Variants in GULP1 observed in about 807,000 individuals in gnomAD.
GULP1 encodes the protein GULP PTB domain containing engulfment adaptor 1.
GULP1 carries 19 observed loss-of-function variants against 40.9 expected under a neutral mutation model. The observed-to-expected ratio is 0.46, with a 90% CI of 0.32 to 0.68. The LOEUF (loss-of-function observed/expected upper bound fraction) is 0.68. Among genes scored for constraint, GULP1 ranks in the 30% least tolerant of loss-of-function variants. The pLI, the probability that GULP1 is intolerant of heterozygous loss-of-function variation, is 0.03. For synonymous variants in GULP1, 119 were observed against 117.6 expected (o/e 1.01, Z -0.08); for missense variants, 312 against 362.2 (o/e 0.86, Z 1.12).
intron 4 of GULP1, among the ~76,000 whole-genome samples, chr2:188,488,529 G>C (rs1448059089): frequency 6.6e-6 from 1 of 152,000 alleles, no homozygotes; most frequent in African/African-American, 2.4e-5. Context: ...GTTGACACTA[G>C]TCATTACTAT....
At chr2:188,294,582 A>C (rs993622509) in intron 1 of GULP1, among the ~76,000 whole-genome samples, 5 of 152,198 alleles carry the variant, frequency 3.3e-5, no homozygotes, top group Non-Finnish European at 5.9e-5. Flanking sequence ...TTAGGGGTTA[A>C]ATGGTTAAAA....
At chr2:188,520,225 A>G (rs1575747612) in intron 4 of GULP1, among the ~76,000 whole-genome samples, 2 of 152,140 alleles carry the variant, frequency 1.3e-5, no homozygotes, top group Non-Finnish European at 2.9e-5. Context: ...ACAATTTGGT[A>G]TATTTCAAGC....
chr2:188,457,900 T>C (rs1261701771), intron 2 of GULP1, among the ~76,000 whole-genome samples: 9 of 152,148 alleles, frequency 5.9e-5, no homozygotes, highest in Non-Finnish European at 1.3e-4. Context: ...CATCATAAGG[T>C]CATTATAATT....
At chr2:188,539,969 A>T (rs913078027) in intron 6 of GULP1, among the ~76,000 whole-genome samples, 1 of 152,136 alleles carries the variant, frequency 6.6e-6, no homozygotes, top group African/African-American at 2.4e-5. Context: ...TTTGTGCTAC[A>T]CGTTGTCTGA....
At chr2:188,502,634 G>A (rs2063537701) in intron 4 of GULP1, among the ~76,000 whole-genome samples, 1 of 151,748 alleles carries the variant, frequency 6.6e-6, no homozygotes, top group African/African-American at 2.4e-5. Flanking sequence ...ACACAGAGTA[G>A]GTGACTAATA....
intron 3 of GULP1, among the ~76,000 whole-genome samples, chr2:188,481,268 A>C (rs2061426617): frequency 6.6e-6 from 1 of 151,938 alleles, no homozygotes; most frequent in African/African-American, 2.4e-5. Flanking sequence ...TATAGTGACC[A>C]AGGACCAGCA....
At chr2:188,300,538 A>T (rs1276203439) in intron 1 of GULP1, among the ~76,000 whole-genome samples, 1 of 152,202 alleles carries the variant, frequency 6.6e-6, no homozygotes, top group Non-Finnish European at 1.5e-5. Flanking sequence ...ATGTACAAGT[A>T]CAACAAATTA....
intron 7 of GULP1, among the ~76,000 whole-genome samples, chr2:188,556,807 G>A (rs559285632): frequency 2.0e-4 from 30 of 152,066 alleles, no homozygotes; most frequent in South Asian, 6.2e-4. Flanking sequence ...AGGCCGAGGC[G>A]GGTGGATCAC....
intron 2 of GULP1, among the ~76,000 whole-genome samples, chr2:188,434,767 A>G (rs1445652582): frequency 3.3e-5 from 5 of 151,298 alleles, no homozygotes; most frequent in East Asian, 3.9e-4. Flanking sequence ...TTGTTTTTTC[A>G]TATCTTCTAT....
chr2:188,498,660 A>G (rs2063131822), intron 4 of GULP1, among the ~76,000 whole-genome samples: 2 of 151,892 alleles, frequency 1.3e-5, no homozygotes, highest in African/African-American at 2.4e-5. Flanking sequence ...CAAATGTTCT[A>G]TAGCACTGTA....
At chr2:188,519,085 T>C (rs892966416) in intron 4 of GULP1, among the ~76,000 whole-genome samples, 1 of 152,178 alleles carries the variant, frequency 6.6e-6, no homozygotes, top group East Asian at 1.9e-4. Flanking sequence ...GCATAAACTT[T>C]TTTTAGTTTT....
intron 1 of GULP1, among the ~76,000 whole-genome samples, chr2:188,369,396 A>C (rs1559159509): frequency 6.6e-6 from 1 of 151,952 alleles, no homozygotes; most frequent in Admixed American, 6.6e-5. Context: ...TGCAAGAAAA[A>C]AAAAAACTCA....
At position 188,469,831 on chromosome 2, in the gene GULP1, A is replaced by G. The variant is rs143522863; in HGVS notation, c.-44-7828A>G. 2.6e-3 allele frequency among the ~76,000 whole-genome samples: 402 copies of G among 151,974 alleles called. 1 individual carries two copies. Among genetic ancestry groups the G allele is most frequent in the African/African-American group, 9.0e-3 (375 of 41,476 alleles). ...TGATCGTATGGTTTTTAATCCTTTG[A>G]TCTGTTTGTATGATGCAGCACACTG... On this transcript the variant is annotated intron_variant, in intron 2 of 11. Coordinates refer to ENST00000409830, the MANE Select transcript of GULP1 (RefSeq NM_016315.4).
At chr2:188,505,726 G>T (rs910590652) in intron 4 of GULP1, among the ~76,000 whole-genome samples, 2 of 151,778 alleles carry the variant, frequency 1.3e-5, no homozygotes. Flanking sequence ...GAAGTTAAAT[G>T]ATTTGCTGTA....
At chr2:188,368,978 T>TATATATATATATATATATATA (rs2047233094) in intron 1 of GULP1, among the ~76,000 whole-genome samples, 2 of 124,938 alleles carry the variant, frequency 1.6e-5, no homozygotes, top group African/African-American at 5.8e-5. Context: ...TATATATATA[T>TATATATATATATATATATATA]TTGAGACAGA....
chr2:188,452,351 G>GA (rs2058901147), intron 2 of GULP1, among the ~76,000 whole-genome samples: 1 of 152,140 alleles, frequency 6.6e-6, no homozygotes, highest in Non-Finnish European at 1.5e-5. Context: ...GGCCTACTGG[G>GA]ATTCTGCCTG....
chr2:188,580,919 G>A (rs976981179), intron 9 of GULP1, among the ~76,000 whole-genome samples: 20 of 152,120 alleles, frequency 1.3e-4, no homozygotes, highest in African/African-American at 4.6e-4. Context: ...TGTGGCTCCC[G>A]GCCAGAATCT....
chr2:188,522,501 T>G (rs533313356), intron 4 of GULP1, among the ~76,000 whole-genome samples: 168 of 151,944 alleles, frequency 1.1e-3, no homozygotes, highest in African/African-American at 4.0e-3. Flanking sequence ...TTCTTTCCAG[T>G]AAAAATCTAC....
At chr2:188,318,226 T>A (rs1055187196) in intron 1 of GULP1, among the ~76,000 whole-genome samples, 2 of 152,172 alleles carry the variant, frequency 1.3e-5, no homozygotes, top group Non-Finnish European at 2.9e-5. Flanking sequence ...GTTGACTGAC[T>A]ATCGCTATAT....
Sources: allele counts gnomAD v4.1 joint callset (sites outside exome capture counted in the v4.1 genomes callset), GRCh38; gene constraint gnomAD v4.1.1; transcripts MANE v1.5; gene names NCBI Gene and HGNC (gene_info 2026-07-23, HGNC 2026-07-21).